Variants in LRRC7 observed in about 807,000 individuals in gnomAD.
LRRC7 encodes leucine rich repeat containing 7.
In LRRC7, 23 loss-of-function variants were observed where a neutral mutation model predicts 175.7. The ratio of observed to expected loss-of-function variants is 0.13; its 90% CI spans 0.09 to 0.19. The LOEUF (loss-of-function observed/expected upper bound fraction) is 0.19. Among genes scored for constraint, LRRC7 ranks in the 10% least tolerant of loss-of-function variants. LRRC7 has a pLI of 1.00. For synonymous variants in LRRC7, 685 were observed against 680.9 expected, an observed-to-expected ratio of 1.01 and a Z score of -0.09; for missense variants, 1,354 against 1,904.7, an observed-to-expected ratio of 0.71 and a Z score of 5.38.
At chr1:69,571,630 C>T (rs1387863567) in intron 1 of LRRC7, among the ~76,000 whole-genome samples, 2 of 152,026 alleles carry the variant, frequency 1.3e-5, no homozygotes, top group Non-Finnish European at 2.9e-5. Flanking sequence ...TTAAAACATT[C>T]ACTTTTTAGA....
Position 70,047,591 on chromosome 1 carries a change from G to A in LRRC7, c.4110+3497G>A, listed in dbSNP as rs1051274537. Among the ~76,000 whole-genome samples the A allele has an allele frequency of 2.6e-5, 4 of 152,000 alleles. No individual in the cohort carries two copies. The East Asian group carries it at 7.7e-4, about 29-fold the overall frequency. ...CTGCACTTGATAAACTATTTACATA[G>A]TGAATATTTATATGAACAAAAAGGG... On this transcript the variant is annotated intron_variant, in intron 22 of 26. Coordinates refer to ENST00000651989, the MANE Select transcript of LRRC7 (RefSeq NM_001370785.2).
intron 8 of LRRC7, among the ~76,000 whole-genome samples, chr1:69,974,249 AC>A (rs1652585692): frequency 6.6e-6 from 1 of 152,086 alleles, no homozygotes; most frequent in Non-Finnish European, 1.5e-5. Context: ...TTCATCATTT[AC>A]CTTATACTGT....
intron 8 of LRRC7, among the ~76,000 whole-genome samples, chr1:69,962,756 A>G (rs927082091): frequency 6.6e-6 from 1 of 152,168 alleles, no homozygotes; most frequent in Non-Finnish European, 1.5e-5. Context: ...ATTCTCACTT[A>G]TAAGTGGGAG....
intron 26 of LRRC7, among the ~76,000 whole-genome samples, chr1:70,116,203 C>T (rs1665835927): frequency 6.6e-6 from 1 of 152,116 alleles, no homozygotes; most frequent in African/African-American, 2.4e-5. Context: ...CTTTTATGAG[C>T]CTTAATTCAT....
chr1:69,942,720 G>T (rs1648859305), intron 8 of LRRC7, among the ~76,000 whole-genome samples: 1 of 151,800 alleles, frequency 6.6e-6, no homozygotes, highest in Non-Finnish European at 1.5e-5. Flanking sequence ...ATTACACTGG[G>T]CCCCCTCAGA....
chr1:70,036,658 C>A (rs1397992007), intron 20 of LRRC7, 34 bp downstream of exon 20: 2 of 1,556,356 alleles, frequency 1.3e-6, no homozygotes, highest in Non-Finnish European at 1.7e-6. Context: ...TGTTCCCAAA[C>A]GTTTATTTTC....
intron 7 of LRRC7, among the ~76,000 whole-genome samples, chr1:69,905,405 C>T (rs930652608): frequency 8.5e-5 from 13 of 152,120 alleles, no homozygotes; most frequent in East Asian, 7.7e-4. Context: ...TATCCCTCCC[C>T]GCTCCCACCA....
In LRRC7 at chr1:69,717,821, AGAAAGAAAG is replaced by A. The variant is rs1270685281; in HGVS notation, c.100+39344_100+39352del. On this transcript the variant is annotated intron_variant, in intron 2 of 26. Transcript: ENST00000651989. ...AAGAAAGAAAGAAAGAAAGAAAGAA[AGAAAGAAAG>A]AAAGAAAGAAAAAAGAAAGAAAGGA... is the stretch of plus-strand genomic sequence containing the variant. Among the ~76,000 whole-genome samples the A allele has an allele frequency of 5.6e-5, 3 of 53,680 alleles. 1 individual carries two copies. The highest frequency in any genetic ancestry group is 3.3e-4 in the African/African-American group (3 of 9,110). 35.2% of individuals were successfully genotyped at this position (53,680 alleles called of 152,430 possible).
chr1:69,744,044 A>G (rs1669000973), intron 2 of LRRC7, among the ~76,000 whole-genome samples: 1 of 151,628 alleles, frequency 6.6e-6, no homozygotes, highest in African/African-American at 2.4e-5. Context: ...CAGCCCATCA[A>G]TACTCATGAT....
In LRRC7 at chr1:69,949,353, C is replaced by T. The variant is rs567168288; in HGVS notation, c.711+17783C>T. Reference sequence around the variant, plus strand: ...TTAGGAGGCCTAGGCAGGCAGATCACCTGAGCCCAGGAGTTTGTGACCAGT... The same window carrying T: ...TTAGGAGGCCTAGGCAGGCAGATCATCTGAGCCCAGGAGTTTGTGACCAGT... On this transcript the variant is annotated intron_variant, in intron 8 of 26. Coordinates refer to ENST00000651989, the MANE Select transcript of LRRC7 (RefSeq NM_001370785.2). Among the ~76,000 whole-genome samples the T allele has an allele frequency of 1.6e-4, 24 of 152,200 alleles. No individual in the cohort carries two copies. In the South Asian group the frequency reaches 4.6e-3, roughly 29 times the overall value.
intron 2 of LRRC7, among the ~76,000 whole-genome samples, chr1:69,746,678 TG>T (rs1321741823): frequency 1.3e-5 from 2 of 152,032 alleles, no homozygotes; most frequent in African/African-American, 4.8e-5. Flanking sequence ...AAAGACAGTC[TG>T]TGGTCTAATA....
intron 1 of LRRC7, among the ~76,000 whole-genome samples, chr1:69,584,107 A>T (rs1646309750): frequency 6.6e-6 from 1 of 152,110 alleles, no homozygotes; most frequent in South Asian, 2.1e-4. Context: ...TACTTCTCTC[A>T]TCCTAAATAT....
intron 2 of LRRC7, among the ~76,000 whole-genome samples, chr1:69,758,799 T>C (rs1027215267): frequency 6.6e-6 from 1 of 152,012 alleles, no homozygotes; most frequent in Non-Finnish European, 1.5e-5. Context: ...TAGATAATGA[T>C]TGTCTCCAAA....
At position 69,700,778 on chromosome 1, in the gene LRRC7, G is replaced by A. The variant is rs183869520; in HGVS notation, c.100+22300G>A. Among the ~76,000 whole-genome samples, 442 of 152,288 alleles carry A rather than the reference G, an allele frequency of 2.9e-3. 5 individuals are homozygous for A. Among genetic ancestry groups the A allele is most frequent in the Non-Finnish European group, 5.1e-3 (345 of 68,032 alleles). On this transcript the variant is annotated intron_variant, in intron 2 of 26. Coordinates refer to ENST00000651989, the MANE Select transcript of LRRC7 (RefSeq NM_001370785.2). Reference sequence around the variant, plus strand: ...CTCTCTCAGTTGCCACCATTAATATGACTCAGTTCCAAAGTTTGAAATTAC... The same window carrying A: ...CTCTCTCAGTTGCCACCATTAATATAACTCAGTTCCAAAGTTTGAAATTAC...
Position 69,990,339 on chromosome 1 carries a change from G to T in LRRC7, c.931+3953G>T, listed in dbSNP as rs527946318. Among the ~76,000 whole-genome samples, 73 of 151,994 alleles carry T rather than the reference G, an allele frequency of 4.8e-4. 2 individuals are homozygous for T. The highest frequency in any genetic ancestry group is 1.6e-3 in the African/African-American group (65 of 41,504). On this transcript the variant is annotated intron_variant, in intron 10 of 26. Transcript: ENST00000651989. Reference sequence around the variant, plus strand: ...GCAGAAGGGCAAAAGTAGAGAGAAGGAATAGGATAAAATACCTTTGATTAC... The same window carrying T: ...GCAGAAGGGCAAAAGTAGAGAGAAGTAATAGGATAAAATACCTTTGATTAC...
chr1:69,605,981 TAA>T (rs1295984807), intron 1 of LRRC7, among the ~76,000 whole-genome samples: 3 of 152,278 alleles, frequency 2.0e-5, no homozygotes, highest in South Asian at 2.1e-4. Flanking sequence ...TAAGACAAAC[TAA>T]AAGTCACTTT....
chr1:70,039,341 C>T lies in LRRC7; in HGVS notation c.3517C>T (p.His1173Tyr). 1.2e-6 allele frequency: 2 copies of T among 1,614,052 alleles called. No individual in the cohort carries two copies. The highest frequency in any genetic ancestry group is 1.7e-6 in the Non-Finnish European group (2 of 1,180,006). The stretch of plus-strand genomic sequence containing the variant: ...CATGTTTAGAAGGGTCAATGAGCCT[C>T]ATGAGCTGCCCCCAACTGATAGGTA... Reference protein sequence around the residue: ...MAMFRRVNEPHELPPTDRYGR... With the variant: ...MAMFRRVNEPYELPPTDRYGR... Residue 1173 changes from histidine to tyrosine, a missense_variant, in exon 21 of 27, where the codon CAT becomes TAT. This residue lies in a region of LRRC7 where 1,032 missense variants were observed against 1,227.2 expected (regional missense o/e 0.84). Transcript: ENST00000651989.
At chr1:69,955,103 C>G (rs1018491433) in intron 8 of LRRC7, among the ~76,000 whole-genome samples, 11 of 152,168 alleles carry the variant, frequency 7.2e-5, no homozygotes, top group African/African-American at 2.2e-4. Context: ...ATGCCACACA[C>G]AGAGCATAGC....
Position 70,038,430 on chromosome 1 carries a change from C to T in LRRC7, c.2606C>T (p.Thr869Ile), listed in dbSNP as rs1659540086. Residue 869 changes from threonine to isoleucine, a missense_variant, in exon 21 of 27, where the codon ACA becomes ATA. By Grantham distance (89) the Thr-to-Ile change is moderately conservative. Transcript: ENST00000651989. ...CTCGAGCAGTCTACACACAGACACA[C>T]ACCAGAAACAGAAGTGCCTCCTTCC... ...LELEQSTHRH[T>I]PETEVPPSNP... is the part of the protein sequence containing the mutation. The T allele has an allele frequency of 6.2e-7, 1 of 1,614,038 alleles. No individual in the cohort carries two copies. The highest frequency in any genetic ancestry group is 1.3e-5 in the African/African-American group (1 of 74,936).
Sources: allele counts gnomAD v4.1 joint callset (sites outside exome capture counted in the v4.1 genomes callset), GRCh38; gene constraint gnomAD v4.1.1; regional missense constraint gnomAD v4.1.1; transcripts MANE v1.5; gene names NCBI Gene and HGNC (gene_info 2026-07-23, HGNC 2026-07-21).